The following L3MBTL4 variants were observed in gnomAD, a reference collection of about 807,000 sequenced individuals.
L3MBTL4 encodes lethal(3)malignant brain tumor-like protein 4.
Under a neutral mutation model 84.5 loss-of-function variants are expected in L3MBTL4, and 70 were observed. That is an observed-to-expected ratio of 0.83 (90% CI 0.68 to 1.01). The LOEUF (loss-of-function observed/expected upper bound fraction) is 1.01, where lower values mean the gene tolerates loss of function less well. L3MBTL4 is among the 50% of genes least tolerant of loss of function. The pLI, the probability that L3MBTL4 is intolerant of heterozygous loss-of-function variation, is 0.00. For missense variants in L3MBTL4, 715 were observed against 754.8 expected, an observed-to-expected ratio of 0.95 and a Z score of 0.62; for synonymous variants, 274 against 259.8, an observed-to-expected ratio of 1.05 and a Z score of -0.52.
chr18:6,021,299 A>T (rs559649873), intron 16 of L3MBTL4, among the ~76,000 whole-genome samples: 3 of 152,356 alleles, frequency 2.0e-5, no homozygotes, highest in Admixed American at 2.0e-4. Flanking sequence ...AAGTCTCCTC[A>T]TTGAAATGCA....
intron 16 of L3MBTL4, among the ~76,000 whole-genome samples, chr18:5,986,311 T>C (rs527886): frequency 2.0e-5 from 3 of 152,012 alleles, no homozygotes; most frequent in Admixed American, 1.3e-4. Context: ...GAAACTGATA[T>C]GCAGATTGCC....
chr18:6,348,026 T>C (rs1243504528), intron 1 of L3MBTL4, among the ~76,000 whole-genome samples: 1 of 152,028 alleles, frequency 6.6e-6, no homozygotes, highest in East Asian at 1.9e-4. Flanking sequence ...AAATAAAATT[T>C]GAAAATGCCA....
intron 1 of L3MBTL4, among the ~76,000 whole-genome samples, chr18:6,372,276 T>A (rs2054188014): frequency 6.6e-6 from 1 of 152,176 alleles, no homozygotes; most frequent in Non-Finnish European, 1.5e-5. Context: ...ACCTGGTCCA[T>A]AGCAAGCTGC....
At chr18:6,110,435 A>T (rs2059154386) in intron 14 of L3MBTL4, among the ~76,000 whole-genome samples, 2 of 151,518 alleles carry the variant, frequency 1.3e-5, no homozygotes. Context: ...GTGTATCCAC[A>T]TGTATACATG....
intron 1 of L3MBTL4, chr18:6,397,253 A>G (rs544798388): frequency 3.9e-5 from 6 of 152,256 alleles, no homozygotes; most frequent in Non-Finnish European, 7.3e-5. Flanking sequence ...CAGAGTTCAC[A>G]GAAAAAAAGT....
intron 13 of L3MBTL4, among the ~76,000 whole-genome samples, chr18:6,164,417 G>T (rs1001565139): frequency 6.6e-6 from 1 of 152,206 alleles, no homozygotes; most frequent in Non-Finnish European, 1.5e-5. Context: ...TAGCCTAACT[G>T]GGAGGCACCC....
intron 16 of L3MBTL4, among the ~76,000 whole-genome samples, chr18:6,076,041 T>C (rs979512135): frequency 1.3e-5 from 2 of 152,226 alleles, no homozygotes; most frequent in African/African-American, 4.8e-5. Context: ...ACTGTGCTGG[T>C]AGGAACATCC....
chr18:6,160,662 C>T (rs1446869675), intron 13 of L3MBTL4, among the ~76,000 whole-genome samples: 2 of 143,862 alleles, frequency 1.4e-5, no homozygotes, highest in African/African-American at 2.6e-5. Flanking sequence ...ACTTGGGAGG[C>T]GGAGGTTGCA....
intron 14 of L3MBTL4, among the ~76,000 whole-genome samples, chr18:6,115,044 G>A (rs1445197966): frequency 1.3e-5 from 2 of 151,790 alleles, no homozygotes; most frequent in South Asian, 4.2e-4. Flanking sequence ...GTGTCGGTGA[G>A]ATTGGGACAG....
At chr18:6,135,723 A>T (rs2060009749) in intron 14 of L3MBTL4, among the ~76,000 whole-genome samples, 1 of 152,196 alleles carries the variant, frequency 6.6e-6, no homozygotes, top group African/African-American at 2.4e-5. Context: ...ATTTTTGTCA[A>T]AGCCACTCGA....
chr18:6,076,415 A>T (rs2057857116), intron 16 of L3MBTL4, among the ~76,000 whole-genome samples: 1 of 152,234 alleles, frequency 6.6e-6, no homozygotes, highest in Non-Finnish European at 1.5e-5. Context: ...ACTGAGAGTG[A>T]GCAAAATCAG....
chr18:6,261,963 G>T (rs1400660916), intron 5 of L3MBTL4, among the ~76,000 whole-genome samples: 1 of 152,124 alleles, frequency 6.6e-6, no homozygotes, highest in Non-Finnish European at 1.5e-5. Context: ...TAATTCTGGC[G>T]GCAGAGTGGG....
intron 16 of L3MBTL4, among the ~76,000 whole-genome samples, chr18:6,063,618 T>G (rs1218151139): frequency 6.6e-6 from 1 of 151,602 alleles, no homozygotes; most frequent in Non-Finnish European, 1.5e-5. Flanking sequence ...ATATTGAGCA[T>G]TTTTTCATAT....
At chr18:6,275,532 A>G (rs8095384) in intron 4 of L3MBTL4, among the ~76,000 whole-genome samples, 25,730 of 151,900 alleles carry the variant, frequency 0.17, 2,186 homozygotes, top group Middle Eastern at 0.22. Context: ...CACTGAAAAA[A>G]CAGGGAATGT....
At chr18:6,027,950 G>A (rs978695805) in intron 16 of L3MBTL4, among the ~76,000 whole-genome samples, 1 of 152,080 alleles carries the variant, frequency 6.6e-6, no homozygotes, top group Admixed American at 6.5e-5. Flanking sequence ...TTTGTTAGAT[G>A]GGTAGTTTGC....
At chr18:6,173,383 G>T (rs886344018) in intron 12 of L3MBTL4, among the ~76,000 whole-genome samples, 3 of 152,148 alleles carry the variant, frequency 2.0e-5, no homozygotes. Context: ...GAAACATAAA[G>T]AAAGCAGTTA....
intron 4 of L3MBTL4, among the ~76,000 whole-genome samples, chr18:6,287,606 C>A (rs1221960591): frequency 6.6e-6 from 1 of 152,074 alleles, no homozygotes; most frequent in Admixed American, 6.5e-5. Context: ...TAAATAACAC[C>A]CTCTCTACAC....
chr18:6,391,739 AAAC>A (rs924179317), intron 1 of L3MBTL4, among the ~76,000 whole-genome samples: 2 of 118,970 alleles, frequency 1.7e-5, no homozygotes, highest in South Asian at 2.7e-4. Flanking sequence ...CAACATCTGC[AAAC>A]AACAACAACA....
At chr18:6,149,537 G>T (rs1173605736) in intron 13 of L3MBTL4, among the ~76,000 whole-genome samples, 2 of 151,958 alleles carry the variant, frequency 1.3e-5, no homozygotes, top group Non-Finnish European at 2.9e-5. Flanking sequence ...ATAGCAGCAT[G>T]ATTTATAATC....
Sources: allele counts gnomAD v4.1 joint callset (sites outside exome capture counted in the v4.1 genomes callset), GRCh38; gene constraint gnomAD v4.1.1; transcripts MANE v1.5; gene names NCBI Gene and HGNC (gene_info 2026-07-23, HGNC 2026-07-21).